DTWD2: variants seen among roughly 807,000 people sequenced by gnomAD.
DTWD2 encodes tRNA-uridine aminocarboxypropyltransferase 2.
A neutral mutation model predicts 31.8 loss-of-function variants in DTWD2; 39 were observed. The ratio of observed to expected loss-of-function variants is 1.22; its 90% CI spans 0.95 to 1.60. DTWD2 has a LOEUF of 1.60. Ranked by LOEUF, DTWD2 falls within the 40% of genes most tolerant of loss-of-function variation. The pLI is 0.00. For missense variants in DTWD2, 515 were observed against 381.5 expected (o/e 1.35, Z -2.92); for synonymous variants, 180 against 142.8 (o/e 1.26, Z -1.86).
chr5:118,856,595 T>G (rs138988122), intron 4 of DTWD2, among the ~76,000 whole-genome samples: 1 of 152,274 alleles, frequency 6.6e-6, no homozygotes, highest in East Asian at 1.9e-4. Flanking sequence ...TTACATTATA[T>G]ACACCCATCA....
rs1751680174 is a variant in DTWD2 at position 118,840,288 on chromosome 5, G to C, written c.*629C>G. 3 of 152,252 alleles carry C rather than the reference G, an allele frequency of 2.0e-5. No individual in the cohort carries two copies. The South Asian group carries it at 6.2e-4, about 32-fold the overall frequency. 9.4% of individuals were successfully genotyped at this position (152,252 alleles called of 1,614,324 possible). A position where few individuals can be genotyped will look rare whatever the true frequency, so the allele number is the denominator to read the frequency against. ...ACTGAAAAATACAAATTTATCCAGAGTGATTACAAATGAAAATGTGTGCTA... is the reference window on the plus strand; with the variant it reads ...ACTGAAAAATACAAATTTATCCAGACTGATTACAAATGAAAATGTGTGCTA... On this transcript the variant is annotated 3_prime_UTR_variant, in exon 6 of 6. Coordinates refer to ENST00000510708, the MANE Select transcript of DTWD2 (RefSeq NM_173666.4).
At chr5:118,886,542 T>C (rs559806956) in intron 4 of DTWD2, among the ~76,000 whole-genome samples, 5 of 152,312 alleles carry the variant, frequency 3.3e-5, no homozygotes, top group African/African-American at 7.2e-5. Context: ...CTTCTAGATA[T>C]ACAGGGAATG....
chr5:118,949,795 C>T (rs138340648), intron 1 of DTWD2, among the ~76,000 whole-genome samples: 3,142 of 151,998 alleles, frequency 0.021, 56 homozygotes, highest in South Asian at 0.072. Context: ...GGGAAAAGGG[C>T]GGCAATGAGT....
intron 1 of DTWD2, chr5:118,974,202 C>G (rs1755072037): frequency 1.5e-6 from 2 of 1,344,562 alleles, no homozygotes; most frequent in Non-Finnish European, 2.1e-6. Flanking sequence ...GTCTCAGAAT[C>G]TAAACGTGGT....
chr5:118,860,112 C>T (rs1752226796), intron 4 of DTWD2, among the ~76,000 whole-genome samples: 2 of 150,632 alleles, frequency 1.3e-5, no homozygotes, highest in African/African-American at 4.9e-5. Flanking sequence ...AGAGTGAGAC[C>T]CTGTCTCAAA....
intron 4 of DTWD2, among the ~76,000 whole-genome samples, chr5:118,914,522 G>A (rs1000042596): frequency 7.2e-5 from 11 of 152,030 alleles, no homozygotes; most frequent in African/African-American, 2.7e-4. Flanking sequence ...CAGGTACAAC[G>A]CAAAATCCTT....
At chr5:118,921,707 C>T (rs1753708795) in intron 4 of DTWD2, among the ~76,000 whole-genome samples, 1 of 152,062 alleles carries the variant, frequency 6.6e-6, no homozygotes, top group Non-Finnish European at 1.5e-5. Context: ...CTGGAAAATA[C>T]AGTACAGAAG....
intron 1 of DTWD2, among the ~76,000 whole-genome samples, chr5:118,966,588 AGT>A (rs1754855048): frequency 1.3e-5 from 2 of 152,340 alleles, no homozygotes; most frequent in Middle Eastern, 3.4e-3. Flanking sequence ...TTATATCTTT[AGT>A]ACATTACATA....
intron 4 of DTWD2, among the ~76,000 whole-genome samples, chr5:118,870,316 A>G (rs1752474528): frequency 6.6e-6 from 1 of 152,174 alleles, no homozygotes; most frequent in Non-Finnish European, 1.5e-5. Context: ...CTAAACATAC[A>G]TCAGAATAGC....
At chr5:118,930,876 G>A (rs1009242322) in intron 3 of DTWD2, among the ~76,000 whole-genome samples, 2 of 152,138 alleles carry the variant, frequency 1.3e-5, no homozygotes, top group Admixed American at 6.5e-5. Context: ...TGGAGAGGAC[G>A]GAGGGCATAG....
At chr5:118,981,166 T>C (rs1360089470) in intron 1 of DTWD2, among the ~76,000 whole-genome samples, 1 of 152,140 alleles carries the variant, frequency 6.6e-6, no homozygotes, top group Non-Finnish European at 1.5e-5. Flanking sequence ...AAAAGTAGAA[T>C]AGAGGTTACC....
rs528389098 is a variant in DTWD2 at position 118,836,149 on chromosome 5, T to C, written c.*4768A>G. ...CAGTAAGACATATAGTAAAATTTCT[T>C]ATTCGAATAATTTTTTTAAAAAACC... On this transcript the variant is annotated 3_prime_UTR_variant, in exon 6 of 6. Coordinates refer to ENST00000510708, the MANE Select transcript of DTWD2 (RefSeq NM_173666.4). Among the ~76,000 whole-genome samples, 1 of 152,348 alleles carries C rather than the reference T, an allele frequency of 6.6e-6. No individual in the cohort carries two copies. Among genetic ancestry groups the C allele is most frequent in the Non-Finnish European group, 1.5e-5 (1 of 68,032 alleles).
intron 4 of DTWD2, among the ~76,000 whole-genome samples, chr5:118,851,459 G>A (rs1472212299): frequency 1.3e-5 from 2 of 151,784 alleles, no homozygotes; most frequent in African/African-American, 4.8e-5. Flanking sequence ...AAGGGGAGGG[G>A]GTGTATGAAC....
chr5:118,984,277 A>T (rs1755371478), intron 1 of DTWD2, among the ~76,000 whole-genome samples: 1 of 151,768 alleles, frequency 6.6e-6, no homozygotes, highest in African/African-American at 2.4e-5. Flanking sequence ...CAACAAGAGC[A>T]AAAACTCCAT....
chr5:118,848,329 T>A, intron 4 of DTWD2, 111 bp from the exon 5 acceptor site: 1 of 919,806 alleles, frequency 1.1e-6, no homozygotes, highest in Non-Finnish European at 1.6e-6. Context: ...AGCTTAGAAG[T>A]ACTAAATGTG....
At chr5:118,879,036 G>GT (rs1422207764) in intron 4 of DTWD2, among the ~76,000 whole-genome samples, 1 of 114,662 alleles carries the variant, frequency 8.7e-6, no homozygotes, top group Non-Finnish European at 1.7e-5. Flanking sequence ...CTACACTGTT[G>GT]GGGGGCTGTA....
intron 2 of DTWD2, 126 bp downstream of exon 2, chr5:118,944,432 GA>G (rs1275247936): frequency 2.1e-6 from 2 of 934,256 alleles, no homozygotes; most frequent in African/African-American, 3.4e-5. Flanking sequence ...TTCCAAAAGA[GA>G]AAGCATTTAT....
intron 4 of DTWD2, among the ~76,000 whole-genome samples, chr5:118,924,183 G>A (rs138021250): frequency 6.6e-6 from 1 of 152,326 alleles, no homozygotes; most frequent in East Asian, 1.9e-4. Flanking sequence ...TTTATCAGCA[G>A]TTTAGCTACT....
chr5:118,968,357 T>G (rs542941120), intron 1 of DTWD2, among the ~76,000 whole-genome samples: 1 of 152,306 alleles, frequency 6.6e-6, no homozygotes, highest in South Asian at 2.1e-4. Flanking sequence ...TTAACAGTAC[T>G]GTACCAGAAG....
Sources: allele counts gnomAD v4.1 joint callset (sites outside exome capture counted in the v4.1 genomes callset), GRCh38; gene constraint gnomAD v4.1.1; transcripts MANE v1.5; gene names NCBI Gene and HGNC (gene_info 2026-07-23, HGNC 2026-07-21).